Variants in TMEM132B observed in about 807,000 individuals in gnomAD.
The protein encoded by TMEM132B is transmembrane protein 132B.
Under a neutral mutation model 90.8 loss-of-function variants are expected in TMEM132B, and 18 were observed. That is an observed-to-expected ratio of 0.20 (90% CI 0.14 to 0.29). The LOEUF (loss-of-function observed/expected upper bound fraction) is 0.29. TMEM132B is among the 10% of genes least tolerant of loss of function. The probability of loss-of-function intolerance (pLI) is 1.00; values close to 1 mark genes in which losing one functional copy is unlikely to be tolerated. For synonymous variants in TMEM132B, 504 were observed against 523.3 expected (o/e 0.96, Z 0.50); for missense variants, 1,096 against 1,326.8 (o/e 0.83, Z 2.70).
chr12:125,267,254 A>T (rs1343074592), intron 1 of TMEM132B, among the ~76,000 whole-genome samples: 1 of 152,032 alleles, frequency 6.6e-6, no homozygotes, highest in Non-Finnish European at 1.5e-5. Context: ...TCTGTGTGTC[A>T]TGATTGGGGT....
chr12:125,192,495 T>C (rs950899287), intron 1 of TMEM132B, among the ~76,000 whole-genome samples: 3 of 152,222 alleles, frequency 2.0e-5, no homozygotes, highest in Non-Finnish European at 4.4e-5. Context: ...CCATTTATTT[T>C]AGAAATGAGG....
At chr12:125,457,424 C>T (rs1314129411) in intron 3 of TMEM132B, among the ~76,000 whole-genome samples, 1 of 152,202 alleles carries the variant, frequency 6.6e-6, no homozygotes, top group Non-Finnish European at 1.5e-5. Context: ...GTTCCTTGAT[C>T]TCTTTATTAA....
At chr12:125,262,717 T>A (rs1458499632) in intron 1 of TMEM132B, among the ~76,000 whole-genome samples, 1 of 152,260 alleles carries the variant, frequency 6.6e-6, no homozygotes, top group African/African-American at 2.4e-5. Flanking sequence ...GAGGGCTGTG[T>A]GTTTAGAGAA....
At chr12:125,353,270 T>G (rs111395698) in intron 2 of TMEM132B, among the ~76,000 whole-genome samples, 2 of 151,958 alleles carry the variant, frequency 1.3e-5, no homozygotes, top group East Asian at 3.9e-4. Flanking sequence ...ACTGCAGCAC[T>G]TCAGCACTCC....
intron 2 of TMEM132B, among the ~76,000 whole-genome samples, chr12:125,395,193 C>T (rs1055839750): frequency 1.3e-4 from 20 of 152,066 alleles, no homozygotes; most frequent in Admixed American, 2.0e-4. Flanking sequence ...CAGGGTGAAC[C>T]GTTGAGTGTG....
At chr12:125,309,938 G>C (rs1169796438) in intron 1 of TMEM132B, among the ~76,000 whole-genome samples, 1 of 152,162 alleles carries the variant, frequency 6.6e-6, no homozygotes, top group African/African-American at 2.4e-5. Flanking sequence ...CGAATGTCTG[G>C]GGGTTGATGC....
chr12:125,646,855 T>A (rs1018189269), intron 6 of TMEM132B, among the ~76,000 whole-genome samples: 1 of 152,188 alleles, frequency 6.6e-6, no homozygotes, highest in African/African-American at 2.4e-5. Flanking sequence ...TGAGAAAAGA[T>A]GATCAACTGA....
intron 3 of TMEM132B, among the ~76,000 whole-genome samples, chr12:125,427,885 A>G (rs189430150): frequency 1.5e-4 from 23 of 152,306 alleles, no homozygotes; most frequent in African/African-American, 4.6e-4. Context: ...CTTTCTTTCT[A>G]TAGGTCTGCT....
chr12:125,463,159 C>T (rs1236590726), intron 3 of TMEM132B, among the ~76,000 whole-genome samples: 1 of 152,224 alleles, frequency 6.6e-6, no homozygotes, highest in East Asian at 1.9e-4. Flanking sequence ...TACTTCTGAT[C>T]CTCTCCTGAC....
At chr12:125,296,366 C>T (rs78817445) in intron 1 of TMEM132B, among the ~76,000 whole-genome samples, 2,524 of 152,314 alleles carry the variant, frequency 0.017, 78 homozygotes, top group African/African-American at 0.057. Context: ...GGCCAACACC[C>T]TCACATCCTT....
At chr12:125,516,983 G>C in intron 3 of TMEM132B, among the ~76,000 whole-genome samples, 1 of 152,198 alleles carries the variant, frequency 6.6e-6, no homozygotes, top group East Asian at 1.9e-4. Context: ...CAGGGGTGCA[G>C]GTGGGGTGAC....
chr12:125,269,774 A>G (rs569339380), intron 1 of TMEM132B, among the ~76,000 whole-genome samples: 19 of 152,078 alleles, frequency 1.2e-4, no homozygotes, highest in Non-Finnish European at 2.4e-4. Flanking sequence ...CCTCTCATAT[A>G]CAAGCGCAGA....
chr12:125,223,228 T>C (rs1193437160), intron 1 of TMEM132B, among the ~76,000 whole-genome samples: 1 of 152,242 alleles, frequency 6.6e-6, no homozygotes, highest in Non-Finnish European at 1.5e-5. Context: ...AGGAAGTTGA[T>C]GATGCCTTGA....
At chr12:125,235,965 G>A (rs537507216) in intron 1 of TMEM132B, among the ~76,000 whole-genome samples, 6 of 151,188 alleles carry the variant, frequency 4.0e-5, no homozygotes, top group Non-Finnish European at 5.9e-5. Flanking sequence ...CACCATGCCC[G>A]ATTAATGTTG....
At chr12:125,478,910 C>G (rs997771302) in intron 3 of TMEM132B, among the ~76,000 whole-genome samples, 1 of 152,226 alleles carries the variant, frequency 6.6e-6, no homozygotes, top group African/African-American at 2.4e-5. Flanking sequence ...AATAGCAGAT[C>G]TCTCGGCAGA....
chr12:125,393,207 T>C (rs1396234116), intron 2 of TMEM132B, among the ~76,000 whole-genome samples: 1 of 152,176 alleles, frequency 6.6e-6, no homozygotes, highest in Admixed American at 6.5e-5. Context: ...CTGCTGCATT[T>C]TGGGTGTTTG....
intron 3 of TMEM132B, among the ~76,000 whole-genome samples, chr12:125,431,606 G>A (rs1880511828): frequency 6.6e-6 from 1 of 152,120 alleles, no homozygotes; most frequent in Admixed American, 6.5e-5. Context: ...TCTTCCCCCT[G>A]ACTCTACTGC....
chr12:125,639,617 T>TACATTATATA lies in TMEM132B; in HGVS notation c.1438-4455_1438-4446dup, dbSNP rs562153570. On this transcript the variant is annotated intron_variant, in intron 5 of 8. Coordinates refer to ENST00000682704, the MANE Select transcript of TMEM132B (RefSeq NM_001366854.1). ...GAGAGTGGTAATTATTGTGAAGAAG[T>TACATTATATA]ACATTATATAACAGAGCAATCTGGT... Among the ~76,000 whole-genome samples the TACATTATATA allele has an allele frequency of 9.3e-4, 141 of 152,344 alleles. 2 individuals carry two copies. In the South Asian group the frequency reaches 0.021, roughly 22 times the overall value.
intron 3 of TMEM132B, among the ~76,000 whole-genome samples, chr12:125,496,043 G>A (rs1254698061): frequency 1.3e-5 from 2 of 152,200 alleles, no homozygotes; most frequent in Non-Finnish European, 2.9e-5. Flanking sequence ...ACAACACAAT[G>A]TCATGTCCTC....
Sources: allele counts gnomAD v4.1 joint callset (sites outside exome capture counted in the v4.1 genomes callset), GRCh38; gene constraint gnomAD v4.1.1; transcripts MANE v1.5; gene names NCBI Gene and HGNC (gene_info 2026-07-23, HGNC 2026-07-21).